ITGA1: variants seen among roughly 807,000 people sequenced by gnomAD.
The protein encoded by ITGA1 is integrin subunit alpha 1.
Under a neutral mutation model 145.9 loss-of-function variants are expected in ITGA1, and 85 were observed. The observed-to-expected ratio is 0.58, with a 90% CI of 0.49 to 0.70. The LOEUF (loss-of-function observed/expected upper bound fraction) is 0.70. ITGA1 is among the 30% of genes least tolerant of loss of function. ITGA1 has a pLI of 0.00. For missense variants in ITGA1, 1,351 were observed against 1,418.7 expected, an observed-to-expected ratio of 0.95 and a Z score of 0.77; for synonymous variants, 520 against 495.3, an observed-to-expected ratio of 1.05 and a Z score of -0.66.
Position 52,957,564 on chromosome 5 carries a change from G to C in ITGA1, c.*5113G>C, listed in dbSNP as rs10940285. 94,001 of 152,022 alleles carry C rather than the reference G, an allele frequency of 0.62. 29,914 individuals are homozygous for C. Among genetic ancestry groups the C allele is most frequent in the Middle Eastern group, 0.71 (208 of 294 alleles). The allele number at this position is 152,022 out of a possible 1,614,324, so 9.4% of individuals were successfully genotyped here. A position where few individuals can be genotyped will look rare whatever the true frequency, so the allele number is the denominator to read the frequency against. ...ACAGGCTGGAGAATTTCAGTGCTAT[G>C]AGACTGGGCAGTAGGAGCCAGAGCC... On this transcript the variant is annotated 3_prime_UTR_variant, in exon 29 of 29. Coordinates refer to ENST00000282588, the MANE Select transcript of ITGA1 (RefSeq NM_181501.2).
chr5:52,908,803 C>CT, intron 12 of ITGA1, 95 bp from the exon 13 acceptor site: 1 of 1,390,636 alleles, frequency 7.2e-7, no homozygotes, highest in Non-Finnish European at 1.0e-6. Context: ...ACTAGCTCCT[C>CT]TTCTAGATTG....
intron 18 of ITGA1, among the ~76,000 whole-genome samples, chr5:52,924,438 C>T (rs1353391400): frequency 6.6e-6 from 1 of 152,094 alleles, no homozygotes; most frequent in Non-Finnish European, 1.5e-5. Context: ...AAGGAAACAA[C>T]GACATTCGCT....
intron 17 of ITGA1, among the ~76,000 whole-genome samples, chr5:52,920,905 TA>T (rs1182958776): frequency 6.6e-6 from 1 of 152,210 alleles, no homozygotes; most frequent in Non-Finnish European, 1.5e-5. Flanking sequence ...TCCATGTAAC[TA>T]CATATCTCGC....
chr5:52,898,477 T>A, intron 11 of ITGA1, 94 bp downstream of exon 11: 1 of 1,101,450 alleles, frequency 9.1e-7, no homozygotes, highest in Non-Finnish European at 1.3e-6. Context: ...CTTGCAACCA[T>A]ATAGCAGGAT....
intron 1 of ITGA1, among the ~76,000 whole-genome samples, chr5:52,846,461 G>T (rs924537677): frequency 6.6e-6 from 1 of 152,034 alleles, no homozygotes; most frequent in Non-Finnish European, 1.5e-5. Flanking sequence ...CATAGAAAAG[G>T]TACACTAAAG....
intron 14 of ITGA1, among the ~76,000 whole-genome samples, chr5:52,912,235 G>T (rs905260484): frequency 7.1e-6 from 1 of 141,516 alleles, no homozygotes; most frequent in Non-Finnish European, 1.5e-5. Context: ...ACTGTATCTA[G>T]TGTATCTACA....
chr5:52,886,034 A>T (rs1750041257), intron 7 of ITGA1, among the ~76,000 whole-genome samples: 1 of 152,224 alleles, frequency 6.6e-6, no homozygotes, highest in South Asian at 2.1e-4. Context: ...GAGGAATGTG[A>T]TCAGATACCA....
chr5:52,951,989 A>G (rs1751227809), intron 28 of ITGA1, among the ~76,000 whole-genome samples: 1 of 152,172 alleles, frequency 6.6e-6, no homozygotes. Context: ...CAAGAGATAG[A>G]GACCATCCTG....
intron 8 of ITGA1, among the ~76,000 whole-genome samples, chr5:52,888,335 G>A (rs771476451): frequency 5.3e-5 from 8 of 152,078 alleles, no homozygotes; most frequent in African/African-American, 1.4e-4. Context: ...GTGGGAAGGC[G>A]GGAAAAATGC....
chr5:52,919,163 A>G (rs1271588702), intron 16 of ITGA1, among the ~76,000 whole-genome samples: 2 of 152,180 alleles, frequency 1.3e-5, no homozygotes, highest in Admixed American at 6.6e-5. Flanking sequence ...CCTACTTGCT[A>G]TGTACAATGA....
intron 1 of ITGA1, among the ~76,000 whole-genome samples, chr5:52,839,467 CT>C (rs1194145969): frequency 1.3e-5 from 2 of 152,146 alleles, no homozygotes; most frequent in African/African-American, 2.4e-5. Flanking sequence ...CATTAGGTAA[CT>C]GGTTACTGTC....
chr5:52,801,906 C>G, intron 1 of ITGA1: 1 of 1,254,434 alleles, frequency 8.0e-7, no homozygotes, highest in Non-Finnish European at 1.1e-6. Flanking sequence ...TTCTCAGCAT[C>G]CTTGTGACAG....
chr5:52,892,722 C>T (rs143321587), intron 8 of ITGA1, among the ~76,000 whole-genome samples: 125 of 152,170 alleles, frequency 8.2e-4, no homozygotes, highest in African/African-American at 2.8e-3. Context: ...TGTACAAAGT[C>T]ACAGAAGCCA....
chr5:52,946,258 C>T (rs866484358), intron 27 of ITGA1, among the ~76,000 whole-genome samples: 1 of 152,120 alleles, frequency 6.6e-6, no homozygotes, highest in Non-Finnish European at 1.5e-5. Flanking sequence ...CCTTGCTGGG[C>T]TTAGTGGCTC....
At chr5:52,888,847 T>C (rs1455692950) in intron 8 of ITGA1, among the ~76,000 whole-genome samples, 1 of 152,174 alleles carries the variant, frequency 6.6e-6, no homozygotes, top group East Asian at 1.9e-4. Context: ...ACTTGGGTGG[T>C]CCCAGAGGAC....
intron 1 of ITGA1, among the ~76,000 whole-genome samples, chr5:52,822,247 G>A (rs188240004): frequency 3.5e-4 from 54 of 152,292 alleles, no homozygotes; most frequent in African/African-American, 1.3e-3. Flanking sequence ...GGAAATCAAG[G>A]CTCAGAGGAG....
At chr5:52,949,505 G>C (rs1392382954) in intron 28 of ITGA1, among the ~76,000 whole-genome samples, 2 of 152,108 alleles carry the variant, frequency 1.3e-5, no homozygotes, top group Admixed American at 1.3e-4. Context: ...AGCAAAGGGA[G>C]GTAAAGTGAC....
chr5:52,912,809 C>A (rs1162812908), intron 14 of ITGA1, among the ~76,000 whole-genome samples: 2 of 150,626 alleles, frequency 1.3e-5, no homozygotes, highest in African/African-American at 2.4e-5. Context: ...TGCAGTGGCA[C>A]GATCTCAGCT....
At chr5:52,911,714 A>ACAC (rs1750544230) in intron 14 of ITGA1, among the ~76,000 whole-genome samples, 11 of 137,246 alleles carry the variant, frequency 8.0e-5, no homozygotes, top group Non-Finnish European at 1.1e-4. Context: ...TCTACTATAT[A>ACAC]TACTATACAT....
Sources: gnomAD v4.1 joint callset for allele counts (sites outside exome capture counted in the v4.1 genomes callset) on GRCh38, gnomAD v4.1.1 for gene constraint, MANE v1.5 for transcripts, NCBI Gene and HGNC (gene_info 2026-07-23, HGNC 2026-07-21) for gene names.